The following IGF2BP3 variants were observed in gnomAD, a reference collection of about 807,000 sequenced individuals.
IGF2BP3 encodes insulin like growth factor 2 mRNA binding protein 3, also known as insulin-like growth factor 2 mRNA-binding protein 3.
Under a neutral mutation model 73.8 loss-of-function variants are expected in IGF2BP3, and 9 were observed. That is an observed-to-expected ratio of 0.12 (90% CI 0.07 to 0.21). The LOEUF (loss-of-function observed/expected upper bound fraction) is 0.21. IGF2BP3 is among the 10% of genes least tolerant of loss of function. The pLI, the probability that IGF2BP3 is intolerant of heterozygous loss-of-function variation, is 1.00. For synonymous variants in IGF2BP3, 258 were observed against 256.7 expected (o/e 1.01, Z -0.05); for missense variants, 542 against 714.0 (o/e 0.76, Z 2.75).
chr7:23,468,525 C>G lies in IGF2BP3; in HGVS notation c.193G>C (p.Gly65Arg), dbSNP rs1030332560. ...EALSGKIELH[G>R]KPIEVEHSVP... ...GAGTGCTCAACTTCTATGGGTTTCC[C>G]GTGCAGTTCTATTTTACCTGCGGAC... Residue 65 changes from glycine to arginine, a missense_variant, in exon 2 of 15, where the codon GGG becomes CGG. This residue lies in a region of IGF2BP3 where 239 missense variants were observed against 241.9 expected (regional missense o/e 0.99). Coordinates refer to ENST00000258729, the MANE Select transcript of IGF2BP3 (RefSeq NM_006547.3). The G allele has an allele frequency of 3.7e-6, 6 of 1,614,108 alleles. No individual in the cohort carries two copies. The highest frequency in any genetic ancestry group is 1.7e-5 in the Admixed American group (1 of 60,014).
chr7:23,453,434 C>T (rs1212587267), intron 2 of IGF2BP3, among the ~76,000 whole-genome samples: 3 of 152,162 alleles, frequency 2.0e-5, no homozygotes, highest in African/African-American at 7.2e-5. Flanking sequence ...TAAAATGTGA[C>T]GTGTAATATA....
chr7:23,330,989 G>A (rs1784430506), intron 10 of IGF2BP3, among the ~76,000 whole-genome samples: 1 of 150,866 alleles, frequency 6.6e-6, no homozygotes, highest in African/African-American at 2.4e-5. Flanking sequence ...AGTAGAGATG[G>A]GGTTTTACCA....
intron 3 of IGF2BP3, chr7:23,362,618 C>T (rs976232130): frequency 6.6e-6 from 1 of 152,222 alleles, no homozygotes; most frequent in Non-Finnish European, 1.5e-5. Flanking sequence ...ATAATATCAA[C>T]TGCAGATGTA....
rs894328352 is a variant in IGF2BP3 at position 23,346,013 on chromosome 7, G to A, written c.868C>T (p.Arg290Cys). ...KILAHNNFVGRLIGKEGRNLK... is the reference protein window; with the variant it reads ...KILAHNNFVGCLIGKEGRNLK... ...TTTCTTCCTTCTTTACCAATAAGAC[G>A]TCCAACAAAGTTATTATGAGCTAAA... Residue 290 changes from arginine (R) to cysteine (C), a missense_variant, in exon 8 of 15, where the codon CGT (arginine) becomes TGT (cysteine). Transcript: ENST00000258729. The A allele has an allele frequency of 5.0e-6, 8 of 1,613,390 alleles. No individual in the cohort carries two copies. The highest frequency in any genetic ancestry group is 2.2e-5 in the South Asian group (2 of 91,050).
At chr7:23,360,829 C>T (rs1361829865) in intron 5 of IGF2BP3, among the ~76,000 whole-genome samples, 2 of 152,158 alleles carry the variant, frequency 1.3e-5, no homozygotes, top group Admixed American at 6.5e-5. Flanking sequence ...AGCTAACACC[C>T]AGTGCTGTGC....
intron 3 of IGF2BP3, among the ~76,000 whole-genome samples, chr7:23,376,900 T>C (rs534391618): frequency 6.6e-6 from 1 of 152,296 alleles, no homozygotes; most frequent in South Asian, 2.1e-4. Flanking sequence ...AGATTGCTAA[T>C]CTTTGACCTG....
intron 3 of IGF2BP3, among the ~76,000 whole-genome samples, chr7:23,381,725 C>T (rs776111301): frequency 3.0e-4 from 45 of 152,036 alleles, no homozygotes; most frequent in Non-Finnish European, 5.9e-4. Flanking sequence ...CGTACCACCA[C>T]GCCCAGCTAA....
intron 2 of IGF2BP3, among the ~76,000 whole-genome samples, chr7:23,444,060 A>G (rs935172136): frequency 6.6e-6 from 1 of 152,154 alleles, no homozygotes; most frequent in African/African-American, 2.4e-5. Context: ...AATTTAGAGC[A>G]CTGAACAAGT....
At chr7:23,316,361 T>C (rs1783987272) in intron 12 of IGF2BP3, among the ~76,000 whole-genome samples, 1 of 152,036 alleles carries the variant, frequency 6.6e-6, no homozygotes, top group South Asian at 2.1e-4. Flanking sequence ...CTGTTACTAG[T>C]TACTGTTACA....
intron 2 of IGF2BP3, among the ~76,000 whole-genome samples, chr7:23,429,547 A>T (rs1367321721): frequency 6.6e-6 from 1 of 152,184 alleles, no homozygotes; most frequent in Non-Finnish European, 1.5e-5. Flanking sequence ...AAATAACTTC[A>T]CAAAAAAGTA....
rs773973480 is a variant in IGF2BP3 at position 23,311,564 on chromosome 7, G to T, written c.*798C>A. 2 of 152,202 alleles carry T rather than the reference G, an allele frequency of 1.3e-5. No homozygotes were observed. The highest frequency in any genetic ancestry group is 2.9e-5 in the Non-Finnish European group (2 of 68,000). 9.4% of individuals were successfully genotyped at this position (152,202 alleles called of 1,614,324 possible). ...ATACTAGGCACTGCTCCGTATTTTT[G>T]AACATTTGATTTAACTAATAACTGT... On this transcript the variant is annotated 3_prime_UTR_variant, in exon 15 of 15. Transcript: ENST00000258729.
intron 10 of IGF2BP3, among the ~76,000 whole-genome samples, chr7:23,337,888 A>G (rs956033552): frequency 1.3e-5 from 2 of 152,192 alleles, no homozygotes; most frequent in Admixed American, 6.5e-5. Context: ...GAGCTTGAGC[A>G]GTTATCCTGG....
At chr7:23,398,318 G>C (rs1232372080) in intron 3 of IGF2BP3, among the ~76,000 whole-genome samples, 1 of 152,140 alleles carries the variant, frequency 6.6e-6, no homozygotes, top group African/African-American at 2.4e-5. Context: ...GTCATTGTTG[G>C]ACATTTGGGT....
intron 2 of IGF2BP3, among the ~76,000 whole-genome samples, chr7:23,461,475 C>T (rs12540317): frequency 0.13 from 19,260 of 152,050 alleles, 1,315 homozygotes; most frequent in African/African-American, 0.16. Flanking sequence ...TATTTTCTAC[C>T]CAAGAATCTG....
At chr7:23,346,083 A>G (rs1048961557) in intron 7 of IGF2BP3, 21 bp from the exon 8 acceptor site, 2 of 1,595,912 alleles carry the variant, frequency 1.3e-6, no homozygotes. Flanking sequence ...AAAAGTGGCC[A>G]TAAAATTAGA....
At chr7:23,360,304 C>T (rs1785193693) in intron 5 of IGF2BP3, among the ~76,000 whole-genome samples, 1 of 152,108 alleles carries the variant, frequency 6.6e-6, no homozygotes. Flanking sequence ...CCTAAATATC[C>T]AAACTGCGAT....
chr7:23,369,488 T>C (rs1218505694), intron 3 of IGF2BP3, among the ~76,000 whole-genome samples: 4 of 152,202 alleles, frequency 2.6e-5, no homozygotes, highest in African/African-American at 9.7e-5. Flanking sequence ...CCACGAACTT[T>C]TCTCTTTACA....
At chr7:23,445,372 C>T (rs1247648532) in intron 2 of IGF2BP3, among the ~76,000 whole-genome samples, 2 of 151,148 alleles carry the variant, frequency 1.3e-5, no homozygotes, top group African/African-American at 4.9e-5. Flanking sequence ...GTTTCGTATA[C>T]ACTATAGAGT....
intron 2 of IGF2BP3, among the ~76,000 whole-genome samples, chr7:23,468,192 A>C (rs983389405): frequency 2.6e-5 from 4 of 152,226 alleles, no homozygotes; most frequent in Non-Finnish European, 4.4e-5. Context: ...CATTTCCCGT[A>C]GGAGCAATTT....
Sources: gnomAD v4.1 joint callset for allele counts (sites outside exome capture counted in the v4.1 genomes callset) on GRCh38, gnomAD v4.1.1 for gene constraint, gnomAD v4.1.1 regional missense constraint, MANE v1.5 for transcripts, NCBI Gene and HGNC (gene_info 2026-07-23, HGNC 2026-07-21) for gene names.